Variants in CADPS2 observed in about 807,000 individuals in gnomAD.
CADPS2 encodes the protein calcium dependent secretion activator 2, also known as calcium-dependent secretion activator 2.
Under a neutral mutation model 172.5 loss-of-function variants are expected in CADPS2, and 93 were observed. The ratio of observed to expected loss-of-function variants is 0.54; its 90% CI spans 0.46 to 0.64. The LOEUF (loss-of-function observed/expected upper bound fraction) is 0.64, where lower values mean the gene tolerates loss of function less well. Ranked by LOEUF, CADPS2 falls within the 30% of genes least tolerant of loss-of-function variation. The pLI is 0.00. For synonymous variants in CADPS2, 546 were observed against 555.2 expected (o/e 0.98, Z 0.23); for missense variants, 1,420 against 1,565.9 (o/e 0.91, Z 1.57).
At chr7:122,398,507 A>G (rs1295315110) in intron 20 of CADPS2, among the ~76,000 whole-genome samples, 1 of 152,208 alleles carries the variant, frequency 6.6e-6, no homozygotes, top group African/African-American at 2.4e-5. Flanking sequence ...ACAAATCACA[A>G]TAAAATCAAC....
chr7:122,790,026 G>GTTT (rs771290127), intron 1 of CADPS2, among the ~76,000 whole-genome samples: 2,961 of 140,924 alleles, frequency 0.021, 107 homozygotes, highest in African/African-American at 0.07. Context: ...CAAATATTAA[G>GTTT]TGTTTTTTTT....
At chr7:122,492,158 C>G (rs931123267) in intron 9 of CADPS2, among the ~76,000 whole-genome samples, 15 of 151,240 alleles carry the variant, frequency 9.9e-5, no homozygotes, top group African/African-American at 3.2e-4. Flanking sequence ...GACGACAGAG[C>G]GAGACTCCAT....
At chr7:122,451,318 G>T in intron 15 of CADPS2, 56 bp downstream of exon 15, 1 of 921,532 alleles carries the variant, frequency 1.1e-6, no homozygotes, top group Non-Finnish European at 1.5e-6. Flanking sequence ...TTTGGGGGAA[G>T]TAAGGGTTGA....
intron 3 of CADPS2, among the ~76,000 whole-genome samples, chr7:122,661,471 C>A (rs575319682): frequency 6.6e-6 from 1 of 151,996 alleles, no homozygotes; most frequent in Non-Finnish European, 1.5e-5. Context: ...CTAGTATATT[C>A]TAATCCATAT....
intron 22 of CADPS2, among the ~76,000 whole-genome samples, chr7:122,391,271 A>C (rs751388487): frequency 5.2e-4 from 79 of 152,176 alleles, no homozygotes; most frequent in Non-Finnish European, 1.5e-4. Context: ...AGAATGGTGA[A>C]AGCACAATCA....
chr7:122,498,603 A>G (rs993277717), intron 9 of CADPS2, among the ~76,000 whole-genome samples: 3 of 152,060 alleles, frequency 2.0e-5, no homozygotes, highest in African/African-American at 7.2e-5. Flanking sequence ...TAATTACATG[A>G]CAAATTTTCT....
intron 27 of CADPS2, among the ~76,000 whole-genome samples, chr7:122,349,363 C>T (rs555384113): frequency 2.6e-5 from 4 of 151,996 alleles, no homozygotes; most frequent in South Asian, 4.2e-4. Context: ...AATGCCATTT[C>T]GGAGTAAATT....
chr7:122,686,235 TTG>T (rs966531481), intron 2 of CADPS2, among the ~76,000 whole-genome samples: 3 of 152,162 alleles, frequency 2.0e-5, no homozygotes, highest in African/African-American at 7.2e-5. Flanking sequence ...CCCTTGACAG[TTG>T]TGATAGTGGT....
At chr7:122,343,451 C>T (rs559127858) in intron 28 of CADPS2, among the ~76,000 whole-genome samples, 1 of 152,304 alleles carries the variant, frequency 6.6e-6, no homozygotes, top group African/African-American at 2.4e-5. Context: ...TTAGTTCCCT[C>T]TGTCTGTTAT....
At chr7:122,695,238 T>C (rs1217024459) in intron 2 of CADPS2, among the ~76,000 whole-genome samples, 4 of 152,216 alleles carry the variant, frequency 2.6e-5, no homozygotes, top group Non-Finnish European at 5.9e-5. Context: ...TTTTTCACTG[T>C]AGTAAAATAT....
intron 3 of CADPS2, among the ~76,000 whole-genome samples, chr7:122,631,303 T>G (rs1159915126): frequency 6.6e-6 from 1 of 152,236 alleles, no homozygotes; most frequent in Non-Finnish European, 1.5e-5. Context: ...AGGCCACAGT[T>G]TTTCAAACTT....
intron 2 of CADPS2, among the ~76,000 whole-genome samples, chr7:122,675,529 G>A (rs2082295792): frequency 1.3e-5 from 2 of 152,168 alleles, no homozygotes; most frequent in Admixed American, 1.3e-4. Context: ...GGGCATTCGG[G>A]TTGGTTCCAA....
intron 1 of CADPS2, among the ~76,000 whole-genome samples, chr7:122,767,314 G>A (rs568452096): frequency 6.6e-6 from 1 of 152,012 alleles, no homozygotes; most frequent in Non-Finnish European, 1.5e-5. Flanking sequence ...TATATTAAAG[G>A]TGAGAACACA....
chr7:122,471,702 T>C, intron 13 of CADPS2, 140 bp from the exon 14 acceptor site: 1 of 719,384 alleles, frequency 1.4e-6, no homozygotes, highest in Non-Finnish European at 2.2e-6. Flanking sequence ...GTATGTTTCA[T>C]GAAGAGCTAA....
At chr7:122,707,958 T>C (rs954273978) in intron 2 of CADPS2, among the ~76,000 whole-genome samples, 2 of 151,778 alleles carry the variant, frequency 1.3e-5, no homozygotes, top group Non-Finnish European at 2.9e-5. Flanking sequence ...ATATATATTT[T>C]AAGTAAATTT....
At position 122,849,798 on chromosome 7, in the gene CADPS2, T is replaced by A. The variant is rs1157000119; in HGVS notation, c.339+36201A>T. 9.7e-6 allele frequency: 5 copies of A among 517,104 alleles called. No individual in the cohort carries two copies. In the African/African-American group the frequency reaches 9.7e-5, roughly 10 times the overall value. 32.0% of individuals were successfully genotyped at this position (517,104 alleles called of 1,614,324 possible). On this transcript the variant is annotated intron_variant, in intron 1 of 29. Transcript: ENST00000449022. ...CAAGCCAGCCCCCAGCCCTCTCCCTTTACATCATCCCTCAGCACCATCAAC... is the reference window on the plus strand; with the variant it reads ...CAAGCCAGCCCCCAGCCCTCTCCCTATACATCATCCCTCAGCACCATCAAC...
intron 15 of CADPS2, among the ~76,000 whole-genome samples, chr7:122,445,327 T>G (rs2052008327): frequency 6.6e-6 from 1 of 152,138 alleles, no homozygotes. Flanking sequence ...TTCTGGCCCA[T>G]GAGTACAGTA....
At chr7:122,570,069 A>G (rs2067015624) in intron 7 of CADPS2, among the ~76,000 whole-genome samples, 1 of 150,604 alleles carries the variant, frequency 6.6e-6, no homozygotes, top group Non-Finnish European at 1.5e-5. Flanking sequence ...GCACAACAAA[A>G]GAAACTACCA....
intron 29 of CADPS2, 32 bp downstream of exon 29, chr7:122,325,445 G>T: frequency 1.5e-6 from 2 of 1,361,378 alleles, no homozygotes; most frequent in Admixed American, 1.9e-5. Context: ...ATAGCTTAGT[G>T]GGCAATTCAT....
Sources: gnomAD v4.1 joint callset for allele counts (sites outside exome capture counted in the v4.1 genomes callset) on GRCh38, gnomAD v4.1.1 for gene constraint, MANE v1.5 for transcripts, NCBI Gene and HGNC (gene_info 2026-07-23, HGNC 2026-07-21) for gene names.